SORCS1: variants seen among roughly 807,000 people sequenced by gnomAD.
SORCS1 encodes VPS10 domain-containing receptor SorCS1.
In SORCS1, 60 loss-of-function variants were observed where a neutral mutation model predicts 146.1. The observed-to-expected ratio is 0.41, with a 90% confidence interval of 0.33 to 0.51. The LOEUF is 0.51. SORCS1 is among the 20% of genes least tolerant of loss of function. The pLI is 0.21. For missense variants in SORCS1, 1,352 were observed against 1,487.6 expected (o/e 0.91, Z 1.50); for synonymous variants, 637 against 584.0 (o/e 1.09, Z -1.31).
At chr10:106,578,845 A>G in intron 25 of SORCS1, 2 of 1,362,422 alleles carry the variant, frequency 1.5e-6, no homozygotes, top group Non-Finnish European at 1.9e-6. Context: ...TAAGCCCAAT[A>G]TTTTAGGGAG....
At chr10:106,741,295 A>G (rs902523302) in intron 5 of SORCS1, among the ~76,000 whole-genome samples, 10 of 150,850 alleles carry the variant, frequency 6.6e-5, no homozygotes, top group Admixed American at 6.6e-4. Context: ...TGTGTGTCTT[A>G]CACACTAAAA....
At position 106,679,279 on chromosome 10, in the gene SORCS1, C is replaced by G; in HGVS notation, c.1717G>C (p.Asp573His). The G allele has an allele frequency of 6.2e-7, 1 of 1,613,346 alleles. No homozygotes were observed. The change falls in exon 12 of 26, where the codon GAT (aspartate) becomes CAT (histidine). Residue 573 changes from aspartate (D) to histidine (H), a missense_variant. Transcript: ENST00000263054. ...ACCTGTCTCCAGGTGTTCCCTGCAT[C>G]TGAAGAGACAAACATGCTGATGTCA... ...DTDISMFVSS[D>H]AGNTWRQIFE...
At chr10:107,010,169 T>G (rs757148273) in intron 1 of SORCS1, among the ~76,000 whole-genome samples, 1 of 152,240 alleles carries the variant, frequency 6.6e-6, no homozygotes, top group Non-Finnish European at 1.5e-5. Flanking sequence ...TTTGAAGCCA[T>G]GGAGTTTGTA....
chr10:107,078,871 A>T (rs1963101124), intron 1 of SORCS1, among the ~76,000 whole-genome samples: 1 of 152,210 alleles, frequency 6.6e-6, no homozygotes, highest in Non-Finnish European at 1.5e-5. Flanking sequence ...GTCACATTTT[A>T]TCTTACTGTA....
intron 17 of SORCS1, among the ~76,000 whole-genome samples, chr10:106,656,722 T>A (rs1405350527): frequency 6.6e-6 from 1 of 152,024 alleles, no homozygotes; most frequent in African/African-American, 2.4e-5. Flanking sequence ...ATTCAGTGTA[T>A]ACTAAGGTGA....
At chr10:107,001,183 C>A (rs541482608) in intron 1 of SORCS1, among the ~76,000 whole-genome samples, 1 of 151,942 alleles carries the variant, frequency 6.6e-6, no homozygotes, top group Non-Finnish European at 1.5e-5. Flanking sequence ...CATTTTTAAA[C>A]GTGTAGTTTG....
intron 4 of SORCS1, among the ~76,000 whole-genome samples, chr10:106,775,976 A>G (rs953379148): frequency 6.6e-6 from 1 of 152,216 alleles, no homozygotes; most frequent in Non-Finnish European, 1.5e-5. Flanking sequence ...CCATGAGCTC[A>G]TTTAATCCTT....
intron 1 of SORCS1, among the ~76,000 whole-genome samples, chr10:107,113,560 C>T (rs566966125): frequency 7.7e-4 from 116 of 151,628 alleles, no homozygotes; most frequent in South Asian, 1.5e-3. Context: ...CAAGGTGGTG[C>T]GTGCCTGTAG....
At chr10:107,084,279 T>G (rs1020351113) in intron 1 of SORCS1, among the ~76,000 whole-genome samples, 2 of 147,226 alleles carry the variant, frequency 1.4e-5, no homozygotes, top group Non-Finnish European at 3.0e-5. Flanking sequence ...TTTTTTTTTT[T>G]GTATTTTTAG....
intron 21 of SORCS1, among the ~76,000 whole-genome samples, chr10:106,617,634 C>G (rs559667301): frequency 2.6e-5 from 4 of 152,300 alleles, no homozygotes; most frequent in African/African-American, 9.6e-5. Flanking sequence ...GTTCAAATAT[C>G]CCGTCTATGG....
chr10:106,994,200 C>T (rs1049068718), intron 1 of SORCS1, among the ~76,000 whole-genome samples: 2 of 151,856 alleles, frequency 1.3e-5, no homozygotes, highest in African/African-American at 4.8e-5. Context: ...CAAGGACTTT[C>T]AGGAAACCTG....
intron 1 of SORCS1, among the ~76,000 whole-genome samples, chr10:107,039,874 C>G (rs72811193): frequency 0.011 from 1,608 of 152,266 alleles, 15 homozygotes; most frequent in South Asian, 0.029. Context: ...CTTTGGGAGG[C>G]TGAAGTGGGA....
chr10:106,731,036 G>A lies in SORCS1; in HGVS notation c.960-922C>T, dbSNP rs144622749. ...AAAACTACTTATCCCTGGGCCGGGCGTGGTGGCTCACGCCTGTAATCCCAG... is the reference window on the plus strand; with the variant it reads ...AAAACTACTTATCCCTGGGCCGGGCATGGTGGCTCACGCCTGTAATCCCAG... On this transcript the variant is annotated intron_variant, in intron 5 of 25. Transcript: ENST00000263054. 3.5e-3 allele frequency among the ~76,000 whole-genome samples: 530 copies of A among 152,200 alleles called. 1 individual carries two copies. Among genetic ancestry groups the A allele is most frequent in the Middle Eastern group, 0.014 (4 of 294 alleles).
intron 19 of SORCS1, among the ~76,000 whole-genome samples, chr10:106,621,137 G>T (rs7913935): frequency 0.018 from 2,760 of 152,300 alleles, 71 homozygotes; most frequent in African/African-American, 0.062. Flanking sequence ...ACAGAGGTGT[G>T]TGTGTAAGTA....
chr10:106,607,032 G>T, intron 23 of SORCS1, 134 bp downstream of exon 23: 1 of 1,182,454 alleles, frequency 8.5e-7, no homozygotes, highest in Non-Finnish European at 1.2e-6. Flanking sequence ...CACCTACCAT[G>T]AATGCTCTTG....
intron 5 of SORCS1, among the ~76,000 whole-genome samples, chr10:106,734,978 T>G (rs1167286605): frequency 6.6e-6 from 1 of 151,980 alleles, no homozygotes; most frequent in Non-Finnish European, 1.5e-5. Flanking sequence ...AAACCCCGTC[T>G]CTACTAAAAG....
chr10:106,736,602 T>TTAAAAAAAAAAAAAA (rs1433395056), intron 5 of SORCS1, among the ~76,000 whole-genome samples: 4 of 38,758 alleles, frequency 1.0e-4, no homozygotes, highest in African/African-American at 2.8e-4. Context: ...TAACCCTGGT[T>TTAAAAAAAAAAAAAA]AAAAAAAAAA....
intron 1 of SORCS1, among the ~76,000 whole-genome samples, chr10:107,117,902 G>A (rs1966142871): frequency 6.6e-6 from 1 of 152,130 alleles, no homozygotes; most frequent in Non-Finnish European, 1.5e-5. Context: ...AGAGACTTGG[G>A]ACTTAGACTT....
At chr10:106,740,433 T>C (rs931091987) in intron 5 of SORCS1, among the ~76,000 whole-genome samples, 4 of 152,154 alleles carry the variant, frequency 2.6e-5, no homozygotes, top group African/African-American at 4.8e-5. Context: ...TAACTACAAA[T>C]GCTAGGTGTA....
Sources: allele counts gnomAD v4.1 joint callset (sites outside exome capture counted in the v4.1 genomes callset), GRCh38; gene constraint gnomAD v4.1.1; transcripts MANE v1.5; gene names NCBI Gene and HGNC (gene_info 2026-07-23, HGNC 2026-07-21).